The following AVEN variants were observed in gnomAD, a reference collection of about 807,000 sequenced individuals.
AVEN encodes apoptosis and caspase activation inhibitor, also known as cell death regulator Aven.
A neutral mutation model predicts 38.1 loss-of-function variants in AVEN; 41 were observed. That is an observed-to-expected ratio of 1.08 (90% CI 0.84 to 1.40). The LOEUF is 1.40. Among genes scored for constraint, AVEN ranks in the 40% most tolerant of loss-of-function variants. The probability of loss-of-function intolerance (pLI) is 0.00; values close to 1 mark genes in which losing one functional copy is unlikely to be tolerated. For synonymous variants in AVEN, 206 were observed against 171.8 expected (o/e 1.20, Z -1.56); for missense variants, 605 against 438.8 (o/e 1.38, Z -3.38).
chr15:33,938,028 AATC>A (rs1439769983), intron 2 of AVEN, among the ~76,000 whole-genome samples: 12 of 151,996 alleles, frequency 7.9e-5, no homozygotes, highest in Non-Finnish European at 1.8e-4. Flanking sequence ...AAGGAATAAT[AATC>A]ATAACATAAA....
chr15:33,860,609 G>T, intron 11 of AVEN: 1 of 1,588,658 alleles, frequency 6.3e-7, no homozygotes, highest in East Asian at 2.3e-5. Flanking sequence ...TATTATTGAT[G>T]CTTTCGGAGA....
chr15:33,970,726 C>T (rs952504033), intron 2 of AVEN, among the ~76,000 whole-genome samples: 2 of 151,802 alleles, frequency 1.3e-5, no homozygotes, highest in Admixed American at 6.6e-5. Context: ...AATTTGCTTC[C>T]AATAAATGGA....
chr15:33,867,469 C>T, intron 5 of AVEN, 26 bp downstream of exon 5: 1 of 1,541,704 alleles, frequency 6.5e-7, no homozygotes, highest in South Asian at 1.3e-5. Context: ...AATCAAGATT[C>T]ACGGGGAATA....
rs527431448 is a variant in AVEN, at chr15:33,911,332, C to T, written c.446-35337G>A. Reference sequence around the variant, plus strand: ...ACAAAGGAGAAAGATATCCAGAGCACGCACAACAAAATCAAGGGCATCACT... The same window carrying T: ...ACAAAGGAGAAAGATATCCAGAGCATGCACAACAAAATCAAGGGCATCACT... On this transcript the variant is annotated intron_variant, in intron 2 of 5. Transcript: ENST00000306730. Among the ~76,000 whole-genome samples the T allele has an allele frequency of 5.9e-5, 9 of 152,290 alleles. No individual in the cohort carries two copies. The East Asian group carries it at 1.2e-3, about 20-fold the overall frequency.
chr15:33,944,835 C>A (rs1346277330), intron 2 of AVEN, among the ~76,000 whole-genome samples: 1 of 151,032 alleles, frequency 6.6e-6, no homozygotes, highest in Middle Eastern at 3.2e-3. Context: ...ACCAAAAGTT[C>A]TTTTGTAAAA....
At chr15:33,954,770 T>C (rs1259373900) in intron 2 of AVEN, among the ~76,000 whole-genome samples, 1 of 152,184 alleles carries the variant, frequency 6.6e-6, no homozygotes, top group East Asian at 1.9e-4. Context: ...ATCTGTACGT[T>C]GTGCACATGT....
chr15:34,032,269 G>C (rs1597373204), intron 1 of AVEN, among the ~76,000 whole-genome samples: 6 of 152,236 alleles, frequency 3.9e-5, no homozygotes, highest in African/African-American at 1.4e-4. Context: ...GGTGTGGTTA[G>C]GATCAAATGA....
At chr15:33,951,079 G>A (rs538520868) in intron 2 of AVEN, among the ~76,000 whole-genome samples, 3 of 150,122 alleles carry the variant, frequency 2.0e-5, no homozygotes, top group Middle Eastern at 3.4e-3. Context: ...GGGAAGAGGC[G>A]AGTGGGGGGA....
intron 2 of AVEN, among the ~76,000 whole-genome samples, chr15:33,903,241 G>A (rs1406731472): frequency 1.3e-5 from 2 of 152,212 alleles, no homozygotes; most frequent in African/African-American, 2.4e-5. Flanking sequence ...ACTACAAACA[G>A]TTTATAAAAG....
chr15:33,887,071 G>A (rs897899332), intron 2 of AVEN, among the ~76,000 whole-genome samples: 3 of 152,214 alleles, frequency 2.0e-5, no homozygotes, highest in African/African-American at 4.8e-5. Context: ...TATATTGTAA[G>A]TATAAGAAAT....
At chr15:33,857,951 TGC>T (rs763172534), downstream of AVEN, 6 of 1,503,542 alleles carry the variant, frequency 4.0e-6, no homozygotes, top group African/African-American at 1.0e-4. Flanking sequence ...GCCCACCCAC[TGC>T]GGGGCCACCC....
intron 1 of AVEN, among the ~76,000 whole-genome samples, chr15:34,008,332 G>C (rs1438186445): frequency 6.6e-6 from 1 of 151,636 alleles, no homozygotes; most frequent in East Asian, 2.0e-4. Context: ...GAGGTGATAG[G>C]ATCAGCTGAC....
intron 1 of AVEN, 50 bp from the exon 2 acceptor site, chr15:34,003,259 T>C: frequency 6.4e-7 from 1 of 1,563,184 alleles, no homozygotes; most frequent in Non-Finnish European, 8.7e-7. Context: ...AATCCTGACC[T>C]TAGTAGACTT....
At chr15:33,961,619 C>A (rs539279760) in intron 2 of AVEN, among the ~76,000 whole-genome samples, 1 of 151,428 alleles carries the variant, frequency 6.6e-6, no homozygotes, top group Non-Finnish European at 1.5e-5. Context: ...CGAGACCATT[C>A]TGGCTAACAC....
intron 2 of AVEN, among the ~76,000 whole-genome samples, chr15:33,993,787 T>C (rs1423601532): frequency 6.6e-6 from 1 of 152,110 alleles, no homozygotes; most frequent in African/African-American, 2.4e-5. Flanking sequence ...TCTGGAATAA[T>C]CATTTCCTTG....
intron 2 of AVEN, among the ~76,000 whole-genome samples, chr15:33,944,822 C>A (rs1161651769): frequency 1.2e-4 from 18 of 148,222 alleles, no homozygotes; most frequent in Admixed American, 6.0e-4. Context: ...AAAAAAAAAA[C>A]CCACCAAAAG....
intron 2 of AVEN, among the ~76,000 whole-genome samples, chr15:33,935,344 T>C (rs1243778427): frequency 8.5e-5 from 13 of 152,232 alleles, no homozygotes; most frequent in Admixed American, 6.5e-4. Flanking sequence ...TTCACAATTA[T>C]TGCAATAGTC....
At chr15:33,872,942 G>C (rs905781094) in intron 3 of AVEN, among the ~76,000 whole-genome samples, 1 of 151,880 alleles carries the variant, frequency 6.6e-6, no homozygotes, top group Non-Finnish European at 1.5e-5. Flanking sequence ...TTCACCCTGC[G>C]TATCAGCCAC....
intron 1 of AVEN, among the ~76,000 whole-genome samples, chr15:34,073,898 C>A (rs1900681480): frequency 6.6e-6 from 1 of 151,878 alleles, no homozygotes; most frequent in Admixed American, 6.6e-5. Flanking sequence ...TACATGCACC[C>A]AGTACAGCTT....
Sources: gnomAD v4.1 joint callset for allele counts (sites outside exome capture counted in the v4.1 genomes callset) on GRCh38, gnomAD v4.1.1 for gene constraint, MANE v1.5 for transcripts, NCBI Gene and HGNC (gene_info 2026-07-23, HGNC 2026-07-21) for gene names.